Variants in PRCP observed in about 807,000 individuals in gnomAD.
The protein encoded by PRCP is prolylcarboxypeptidase.
In PRCP, 46 loss-of-function variants were observed where a neutral mutation model predicts 54.2. The observed-to-expected ratio is 0.85, with a 90% CI of 0.67 to 1.09. The LOEUF is 1.09. PRCP is among the 50% of genes least tolerant of loss of function. The pLI is 0.00. For synonymous variants in PRCP, 240 were observed against 212.2 expected, an observed-to-expected ratio of 1.13 and a Z score of -1.14; for missense variants, 613 against 596.8, an observed-to-expected ratio of 1.03 and a Z score of -0.28.
At chr11:82,841,276 A>G (rs1371082864) in intron 6 of PRCP, among the ~76,000 whole-genome samples, 1 of 151,642 alleles carries the variant, frequency 6.6e-6, no homozygotes, top group Non-Finnish European at 1.5e-5. Context: ...GGGAAAAAAA[A>G]AAAAAGGAAA....
chr11:82,839,320 AT>A lies in PRCP; in HGVS notation c.1026del (p.Lys342AsnfsTer3). On this transcript the variant is annotated frameshift_variant, in exon 7 of 9. Transcript: ENST00000313010. LOFTEE classifies it high-confidence loss of function. The stretch of plus-strand genomic sequence containing the variant: ...GTTGCTGTCTCTGAAATATTCAGGC[AT>A]TTCACCTGGCCCGAATAATTGTAAT... ...NVYYNYSGQV[K>X]CLNISETATS... 1 of 1,614,074 alleles carries A rather than the reference AT, an allele frequency of 6.2e-7. No homozygotes were observed. The highest frequency in any genetic ancestry group is 8.5e-7 in the Non-Finnish European group (1 of 1,179,972).
intron 8 of PRCP, chr11:82,830,690 A>C (rs1858359640): frequency 6.7e-6 from 1 of 150,234 alleles, no homozygotes; most frequent in Admixed American, 6.6e-5. Flanking sequence ...TGGTTTTGTT[A>C]AAAACAAAAA....
chr11:82,833,369 A>G (rs1443488787), intron 8 of PRCP, among the ~76,000 whole-genome samples: 1 of 152,236 alleles, frequency 6.6e-6, no homozygotes, highest in Non-Finnish European at 1.5e-5. Context: ...AAAATGGAAA[A>G]AGAGGATGAG....
intron 1 of PRCP, among the ~76,000 whole-genome samples, chr11:82,880,357 C>A (rs980404052): frequency 3.3e-5 from 5 of 152,246 alleles, no homozygotes; most frequent in East Asian, 1.9e-4. Context: ...AGGATATAAT[C>A]TCCTGGTGTG....
At chr11:82,856,151 A>G (rs186110570) in intron 2 of PRCP, among the ~76,000 whole-genome samples, 41 of 152,318 alleles carry the variant, frequency 2.7e-4, no homozygotes, top group African/African-American at 9.6e-4. Flanking sequence ...TACAAAAAAT[A>G]AAATTAAAAA....
chr11:82,827,829 C>G (rs1446061686), intron 8 of PRCP: 2 of 152,086 alleles, frequency 1.3e-5, no homozygotes, highest in African/African-American at 4.8e-5. Context: ...TGACAGAGAT[C>G]ACGTTGAATC....
intron 1 of PRCP, among the ~76,000 whole-genome samples, chr11:82,887,876 A>G (rs1402583317): frequency 2.0e-5 from 3 of 152,218 alleles, no homozygotes; most frequent in Non-Finnish European, 4.4e-5. Flanking sequence ...ACAGAGACCA[A>G]GAAGAATCAG....
intron 1 of PRCP, chr11:82,884,943 C>A (rs1375322170): frequency 3.1e-6 from 5 of 1,596,280 alleles, no homozygotes; most frequent in African/African-American, 2.7e-5. Context: ...TTTACTAGCA[C>A]ACACCTCCCA....
intron 1 of PRCP, among the ~76,000 whole-genome samples, chr11:82,864,442 A>C (rs1859284158): frequency 6.6e-6 from 1 of 152,200 alleles, no homozygotes; most frequent in Admixed American, 6.5e-5. Flanking sequence ...TCCTGAATAA[A>C]GATTTTATGA....
At chr11:82,847,647 C>A (rs1858839074) in intron 6 of PRCP, among the ~76,000 whole-genome samples, 1 of 152,076 alleles carries the variant, frequency 6.6e-6, no homozygotes, top group South Asian at 2.1e-4. Flanking sequence ...AGCTCTGTTG[C>A]CCAGGCTGGA....
Position 82,900,267 on chromosome 11 carries a change from T to G in PRCP, c.136A>C (p.Lys46Gln). 6.2e-7 allele frequency: 1 copy of G among 1,614,198 alleles called. No individual in the cohort carries two copies. The highest frequency in any genetic ancestry group is 8.5e-7 in the Non-Finnish European group (1 of 1,180,026). Residue 46 changes from lysine (K) to glutamine (Q), a missense_variant, in exon 1 of 9, where the codon AAG (lysine) becomes CAG (glutamine). Coordinates refer to ENST00000313010, the MANE Select transcript of PRCP (RefSeq NM_005040.4). ...TGGAAGTAGAGAACCGAATAGTTCT[T>G]GGCTACAGCCGGGAGGGATGTGGGG... is the stretch of plus-strand genomic sequence containing the variant. ...TNPTSLPAVAKNYSVLYFQQK... is the reference protein window; with the variant it reads ...TNPTSLPAVAQNYSVLYFQQK...
Position 82,884,932 on chromosome 11 carries a change from T to G in PRCP, c.168+15303A>C. ...TTTATTACTAATATATTTTGAAAGGTTTTACTAGCACACACCTCCCAGCTC... is the reference window on the plus strand; with the variant it reads ...TTTATTACTAATATATTTTGAAAGGGTTTACTAGCACACACCTCCCAGCTC... On this transcript the variant is annotated intron_variant, in intron 1 of 8. Transcript: ENST00000313010. The G allele has an allele frequency of 1.9e-6, 3 of 1,607,548 alleles. No individual in the cohort carries two copies. The South Asian group carries it at 3.3e-5, about 18-fold the overall frequency.
rs556788289 is a variant in PRCP, at chr11:82,823,292, C to A, written c.*1614G>T. 3.3e-5 allele frequency among the ~76,000 whole-genome samples: 5 copies of A among 152,164 alleles called. No homozygotes were observed. Among genetic ancestry groups the A allele is most frequent in the Non-Finnish European group, 7.4e-5 (5 of 68,026 alleles). On this transcript the variant is annotated 3_prime_UTR_variant, in exon 9 of 9. Transcript: ENST00000313010. Reference sequence around the variant, plus strand: ...TCCTCTATTGAGCCCATAAACCCTGCATTATTTAATTTCTTAGTTGACAAA... The same window carrying A: ...TCCTCTATTGAGCCCATAAACCCTGAATTATTTAATTTCTTAGTTGACAAA...
chr11:82,854,429 C>CA lies in PRCP; in HGVS notation c.310-1152dup, dbSNP rs1482117326. Among the ~76,000 whole-genome samples the CA allele has an allele frequency of 1.3e-3, 197 of 152,070 alleles. 3 individuals carry two copies. The highest frequency in any genetic ancestry group is 3.4e-3 in the Middle Eastern group (1 of 294). ...ATAGCCACAAAAAGAATGAAATATC[C>CA]AGGAATACAGCTAACCAAGGAAGTG... is the stretch of plus-strand genomic sequence containing the variant. On this transcript the variant is annotated intron_variant, in intron 2 of 8. Coordinates refer to ENST00000313010, the MANE Select transcript of PRCP (RefSeq NM_005040.4).
intron 1 of PRCP, among the ~76,000 whole-genome samples, chr11:82,874,783 G>A (rs984919498): frequency 5.9e-5 from 9 of 152,008 alleles, no homozygotes; most frequent in Non-Finnish European, 2.9e-5. Flanking sequence ...TTCTAACAGG[G>A]TGGTCAGAAA....
At chr11:82,844,657 C>T (rs1182489437) in intron 6 of PRCP, among the ~76,000 whole-genome samples, 1 of 147,174 alleles carries the variant, frequency 6.8e-6, no homozygotes, top group African/African-American at 2.5e-5. Flanking sequence ...CGCTTGAACC[C>T]GGGAGGCAGA....
At chr11:82,834,256 T>C (rs900431175) in intron 8 of PRCP, among the ~76,000 whole-genome samples, 1 of 152,250 alleles carries the variant, frequency 6.6e-6, no homozygotes, top group Non-Finnish European at 1.5e-5. Context: ...TGTTTTGCTA[T>C]AGCAGTGCTA....
At chr11:82,859,789 T>C (rs1207963490) in intron 2 of PRCP, among the ~76,000 whole-genome samples, 188 bp downstream of exon 2, 1 of 152,186 alleles carries the variant, frequency 6.6e-6, no homozygotes, top group Admixed American at 6.5e-5. Context: ...TTTAATTCTT[T>C]TATGAACTTC....
chr11:82,843,350 C>G (rs1406952657), intron 6 of PRCP: 1 of 151,120 alleles, frequency 6.6e-6, no homozygotes, highest in Non-Finnish European at 1.5e-5. Flanking sequence ...GAGATATTCA[C>G]ATACTTTTAT....
Sources: gnomAD v4.1 joint callset for allele counts (sites outside exome capture counted in the v4.1 genomes callset) on GRCh38, gnomAD v4.1.1 for gene constraint, MANE v1.5 for transcripts, NCBI Gene and HGNC (gene_info 2026-07-23, HGNC 2026-07-21) for gene names.